ITGA2: variants seen among roughly 807,000 people sequenced by gnomAD.
The protein encoded by ITGA2 is integrin subunit alpha 2.
In ITGA2, 101 loss-of-function variants were observed where a neutral mutation model predicts 146.3. That is an observed-to-expected ratio of 0.69 (90% CI 0.59 to 0.81). ITGA2 has a LOEUF of 0.81. Ranked by LOEUF, ITGA2 falls within the 40% of genes least tolerant of loss-of-function variation. ITGA2 has a pLI of 0.00. For missense variants in ITGA2, 1,281 were observed against 1,402.7 expected (o/e 0.91, Z 1.39); for synonymous variants, 477 against 487.1 (o/e 0.98, Z 0.27).
chr5:53,081,781 TATC>T (rs1745933787), intron 26 of ITGA2, 85 bp downstream of exon 26: 2 of 883,172 alleles, frequency 2.3e-6, no homozygotes, highest in African/African-American at 3.4e-5. Flanking sequence ...TACCAGCTGA[TATC>T]ATAGAGCTTT....
At chr5:53,011,347 A>G (rs1742115221) in intron 1 of ITGA2, among the ~76,000 whole-genome samples, 1 of 152,124 alleles carries the variant, frequency 6.6e-6, no homozygotes, top group African/African-American at 2.4e-5. Flanking sequence ...TGTGTGTGCA[A>G]TGAGCTTTTG....
At chr5:53,032,877 G>A (rs141143757) in intron 2 of ITGA2, among the ~76,000 whole-genome samples, 22 of 152,138 alleles carry the variant, frequency 1.4e-4, no homozygotes, top group African/African-American at 2.2e-4. Flanking sequence ...CCACTCCCTG[G>A]GTGACTTTGG....
At chr5:53,073,025 A>G in intron 19 of ITGA2, 93 bp from the exon 20 acceptor site, 2 of 1,296,066 alleles carry the variant, frequency 1.5e-6, no homozygotes, top group Non-Finnish European at 2.2e-6. Flanking sequence ...AGTAAGTCTA[A>G]AGAGTTTAGT....
chr5:53,048,604 AC>A, intron 5 of ITGA2, 38 bp from the exon 6 acceptor site: 1 of 1,614,052 alleles, frequency 6.2e-7, no homozygotes, highest in Non-Finnish European at 8.5e-7. Flanking sequence ...AATATGACTT[AC>A]CTGTGGAAAT....
Position 53,055,531 on chromosome 5 carries a change from G to A in ITGA2, c.780-7G>A. ...AGCAAGTCTTTATTTAATTTTATCT[G>A]CCACAGAAAATATGCTTATTCAGCA... On this transcript the variant is annotated splice_polypyrimidine_tract_variant and splice_region_variant and intron_variant, in intron 7 of 29. Coordinates refer to ENST00000296585, the MANE Select transcript of ITGA2 (RefSeq NM_002203.4). 3 of 1,612,204 alleles carry A rather than the reference G, an allele frequency of 1.9e-6. No homozygotes were observed. Among genetic ancestry groups the A allele is most frequent in the South Asian group, 1.1e-5 (1 of 91,024 alleles).
rs755937001 is a variant in ITGA2, at chr5:53,048,608, G to A, written c.503-35G>A. 5 of 1,613,920 alleles carry A rather than the reference G, an allele frequency of 3.1e-6. No homozygotes were observed. The Admixed American group carries it at 6.7e-5, about 22-fold the overall frequency. ...TATGGCTGTGAAATATGACTTACCT[G>A]TGGAAATCTGCTTCTTTCCTCTTTT... On this transcript the variant is annotated intron_variant, in intron 5 of 29. Coordinates refer to ENST00000296585, the MANE Select transcript of ITGA2 (RefSeq NM_002203.4).
At chr5:53,083,591 G>A in intron 27 of ITGA2, 138 bp downstream of exon 27, 1 of 701,452 alleles carries the variant, frequency 1.4e-6, no homozygotes, top group Non-Finnish European at 2.6e-6. Flanking sequence ...ATTTTACCCT[G>A]AAAGGCAGCA....
chr5:53,004,863 AAGGCCTAC>A (rs1258985681), intron 1 of ITGA2, among the ~76,000 whole-genome samples: 1 of 144,630 alleles, frequency 6.9e-6, no homozygotes, highest in East Asian at 2.1e-4. Flanking sequence ...TCATTTCCAA[AAGGCCTAC>A]AACTTCTAAG....
intron 1 of ITGA2, among the ~76,000 whole-genome samples, chr5:53,006,679 C>T (rs1741871002): frequency 6.6e-6 from 1 of 152,100 alleles, no homozygotes; most frequent in Non-Finnish European, 1.5e-5. Context: ...AGACACAGCC[C>T]CTCTCTGTTA....
chr5:53,090,833 G>T lies in ITGA2; in HGVS notation c.*234G>T. 1.7e-6 allele frequency: 1 copy of T among 596,036 alleles called. No individual in the cohort carries two copies. Among genetic ancestry groups the T allele is most frequent in the Non-Finnish European group, 3.0e-6 (1 of 335,014 alleles). 36.9% of individuals were successfully genotyped at this position (596,036 alleles called of 1,614,324 possible). A position where few individuals can be genotyped will look rare whatever the true frequency, so the allele number is the denominator to read the frequency against. On this transcript the variant is annotated 3_prime_UTR_variant, in exon 30 of 30. Coordinates refer to ENST00000296585, the MANE Select transcript of ITGA2 (RefSeq NM_002203.4). ...GGAAAATACCTATTTTATATGATGG[G>T]GGAAAAAAAGTAATCTTTAAACTGG...
rs3212547 is a variant in ITGA2 at position 53,063,404 on chromosome 5, A to C, written c.1602+475A>C. ...CTACATTAGTTTGTCAGGAAGTGTC[A>C]TTGCTTAGTGTAACATTTAGGCATG... On this transcript the variant is annotated intron_variant, in intron 13 of 29. Coordinates refer to ENST00000296585, the MANE Select transcript of ITGA2 (RefSeq NM_002203.4). Among the ~76,000 whole-genome samples the C allele has an allele frequency of 4.5e-3, 683 of 152,012 alleles. 11 individuals are homozygous for C. The highest frequency in any genetic ancestry group is 0.024 in the Middle Eastern group (7 of 294).
At position 53,031,305 on chromosome 5, in the gene ITGA2, C is replaced by T. The variant is rs144096877; in HGVS notation, c.185+4437C>T. On this transcript the variant is annotated intron_variant, in intron 2 of 29. Transcript: ENST00000296585. The stretch of plus-strand genomic sequence containing the variant: ...CCATGGATTTATCATGTAATACATG[C>T]ACACACACACAACTTTGTTTTCTTT... Among the ~76,000 whole-genome samples, 245 of 152,188 alleles carry T rather than the reference C, an allele frequency of 1.6e-3. 2 individuals carry two copies. Among genetic ancestry groups the T allele is most frequent in the African/African-American group, 5.5e-3 (230 of 41,524 alleles).
intron 1 of ITGA2, among the ~76,000 whole-genome samples, chr5:53,012,758 C>T (rs1218908512): frequency 6.6e-6 from 1 of 152,110 alleles, no homozygotes; most frequent in African/African-American, 2.4e-5. Flanking sequence ...ACCTCACCAG[C>T]ATGTTATTTT....
Position 53,070,115 on chromosome 5 carries a change from T to A in ITGA2, c.2090T>A (p.Val697Glu). 6.2e-7 allele frequency: 1 copy of A among 1,609,826 alleles called. No homozygotes were observed. The highest frequency in any genetic ancestry group is 8.5e-7 in the Non-Finnish European group (1 of 1,176,858). ...PTKQNNQVAI[V>E]YNITLDADGF... ...ATGATTTTTTTTATCATAGCCATTG[T>A]ATATAACATCACACTTGATGCAGAT... The change falls in exon 17 of 30, where the codon GTA becomes GAA. Residue 697 changes from valine (V) to glutamate (E), a missense_variant. Val to Glu is a moderately radical substitution (Grantham distance 121). This residue lies in a region of ITGA2 where 795 missense variants were observed against 841.7 expected (regional missense o/e 0.94). Coordinates refer to ENST00000296585, the MANE Select transcript of ITGA2 (RefSeq NM_002203.4).
At chr5:52,998,048 G>A (rs781269877) in intron 1 of ITGA2, among the ~76,000 whole-genome samples, 8 of 152,130 alleles carry the variant, frequency 5.3e-5, no homozygotes, top group Non-Finnish European at 1.2e-4. Flanking sequence ...TGGTAATTAA[G>A]AAATGCCTTT....
chr5:53,080,607 G>T lies in ITGA2; in HGVS notation c.3025G>T (p.Val1009Leu), dbSNP rs1383363763. Residue 1009 changes from valine to leucine, a missense_variant, in exon 25 of 30, where the codon GTG becomes TTG. This residue lies in a region of ITGA2 where 475 missense variants were observed against 530.5 expected (regional missense o/e 0.90). Transcript: ENST00000296585. ...EKNPLMYLTG[V>L]QTDKAGDISC... is the part of the protein sequence containing the mutation. ...GAACCCACTGATGTACCTAACTGGG[G>T]TGCAAACAGACAAGGTAAAGATTAA... 6.2e-7 allele frequency: 1 copy of T among 1,612,258 alleles called. No individual in the cohort carries two copies.
At chr5:53,008,301 G>A (rs185772259) in intron 1 of ITGA2, among the ~76,000 whole-genome samples, 76 of 149,074 alleles carry the variant, frequency 5.1e-4, no homozygotes, top group African/African-American at 1.5e-3. Context: ...AAGATCTCTG[G>A]TGTCTCTTCT....
rs1740424727 is a variant in ITGA2 at position 53,091,598 on chromosome 5, T to C, written c.*999T>C. Reference sequence around the variant, plus strand: ...ATAGAAGCCCTCTACAGCCTGACTTTCTCTCCAGCGGTCCAAAGTTATCCC... The same window carrying C: ...ATAGAAGCCCTCTACAGCCTGACTTCCTCTCCAGCGGTCCAAAGTTATCCC... On this transcript the variant is annotated 3_prime_UTR_variant, in exon 30 of 30. Coordinates refer to ENST00000296585, the MANE Select transcript of ITGA2 (RefSeq NM_002203.4). 6.6e-6 allele frequency: 1 copy of C among 152,188 alleles called. No individual in the cohort carries two copies. Among genetic ancestry groups the C allele is most frequent in the South Asian group, 2.1e-4 (1 of 4,828 alleles). 9.4% of individuals were successfully genotyped at this position (152,188 alleles called of 1,614,324 possible).
At chr5:53,046,216 GA>G (rs1337456348) in intron 4 of ITGA2, among the ~76,000 whole-genome samples, 46 of 127,178 alleles carry the variant, frequency 3.6e-4, no homozygotes, top group South Asian at 1.0e-3. Flanking sequence ...AAAAAAAAAA[GA>G]AAAAAAAGTC....
Sources: gnomAD v4.1 joint callset for allele counts (sites outside exome capture counted in the v4.1 genomes callset) on GRCh38, gnomAD v4.1.1 for gene constraint, gnomAD v4.1.1 regional missense constraint, MANE v1.5 for transcripts, NCBI Gene and HGNC (gene_info 2026-07-23, HGNC 2026-07-21) for gene names.